The following CAPRIN2 variants were observed in gnomAD, a reference collection of about 807,000 sequenced individuals.
CAPRIN2 encodes caprin family member 2, also known as caprin-2.
In CAPRIN2, 66 loss-of-function variants were observed where a neutral mutation model predicts 130.4. That is an observed-to-expected ratio of 0.51 (90% CI 0.42 to 0.62). The LOEUF is 0.62. Among genes scored for constraint, CAPRIN2 ranks in the 20% least tolerant of loss-of-function variants. The pLI, the probability that CAPRIN2 is intolerant of heterozygous loss-of-function variation, is 0.00. For synonymous variants in CAPRIN2, 471 were observed against 444.1 expected (o/e 1.06, Z -0.76); for missense variants, 1,185 against 1,246.6 (o/e 0.95, Z 0.74).
chr12:30,730,181 T>C (rs2062166990), intron 7 of CAPRIN2, 58 bp downstream of exon 8: 6 of 1,386,822 alleles, frequency 4.3e-6, no homozygotes, highest in Admixed American at 3.4e-5. Flanking sequence ...CTTCCAACCA[T>C]AACCCTATGC....
At chr12:30,751,158 C>T (rs1485549487) in intron 1 of CAPRIN2, 25 bp from the exon 3 acceptor site, 1 of 1,589,080 alleles carries the variant, frequency 6.3e-7, no homozygotes, top group East Asian at 2.2e-5. Flanking sequence ...CTTGTATCTA[C>T]CATAGTCTGA....
At position 30,729,139 on chromosome 12, in the gene CAPRIN2, C is replaced by A. The variant is rs1306709846; in HGVS notation, c.1291G>T (p.Glu431Ter). ...AAGGAAACTGCAGGCTTGGATACCT[C>A]CTGGTGCTTACCAGAAGCCTCCCAG... Residue 431 changes from glutamate (E) to a stop codon, truncating the protein, a stop_gained, in exon 8 of 17, where the codon GAG becomes TAG. Transcript: ENST00000298892. LOFTEE classifies it high-confidence loss of function. The A allele has an allele frequency of 6.2e-7, 1 of 1,613,868 alleles. No individual in the cohort carries two copies. Among genetic ancestry groups the A allele is most frequent in the African/African-American group, 1.3e-5 (1 of 74,886 alleles).
intron 13 of CAPRIN2, 196 bp downstream of exon 15, chr12:30,716,312 A>C (rs368752152): frequency 7.8e-6 from 4 of 510,212 alleles, no homozygotes; most frequent in African/African-American, 4.0e-5. Flanking sequence ...TATCTCTACA[A>C]AAATTAAAAT....
At chr12:30,737,987 C>A (rs962136328) in intron 3 of CAPRIN2, among the ~76,000 whole-genome samples, 5 of 151,530 alleles carry the variant, frequency 3.3e-5, no homozygotes, top group South Asian at 2.1e-4. Flanking sequence ...GTAACAAGGT[C>A]GAAAAGAAGG....
chr12:30,724,070 G>T (rs1285343076), intron 10 of CAPRIN2, among the ~76,000 whole-genome samples: 3 of 152,200 alleles, frequency 2.0e-5, no homozygotes, highest in Admixed American at 2.0e-4. Context: ...GTCCAAAGGA[G>T]TCAAGCAACT....
intron 3 of CAPRIN2, among the ~76,000 whole-genome samples, chr12:30,736,853 G>C (rs1049939681): frequency 1.3e-5 from 2 of 152,156 alleles, no homozygotes; most frequent in Non-Finnish European, 1.5e-5. Context: ...AGTTTCTCAT[G>C]GTATAGGGAA....
intron 4 of CAPRIN2, among the ~76,000 whole-genome samples, chr12:30,734,233 A>G (rs2063692274): frequency 6.6e-6 from 1 of 152,226 alleles, no homozygotes; most frequent in South Asian, 2.1e-4. Flanking sequence ...TATATAGGCA[A>G]TTAAGAGTTC....
In CAPRIN2 at chr12:30,710,127, C is replaced by T; in HGVS notation, c.3009G>A (p.Lys1003=). 1.2e-6 allele frequency: 2 copies of T among 1,614,114 alleles called. No homozygotes were observed. The highest frequency in any genetic ancestry group is 2.2e-5 in the South Asian group (2 of 91,082). The change falls in exon 17 of 17, where the codon AAG becomes AAA. Residue 1003 remains lysine, a synonymous_variant. Coordinates refer to ENST00000298892, the Ensembl canonical transcript of CAPRIN2. This position sits in a 1 kb window ranked among gnomAD's most constrained non-coding sequence, Gnocchi z 4.8. ...CATACAGTGGCACATTCACTGCCAG[C>T]TTTAGCATGTGAAAAATGAAAACGT...
rs754373140 is a variant in CAPRIN2 at position 30,712,733 on chromosome 12, CTTTTT to C, written c.2601+1047_2601+1051del. Among the ~76,000 whole-genome samples the C allele has an allele frequency of 2.8e-5, 3 of 107,292 alleles. No individual in the cohort carries two copies. In the South Asian group the frequency reaches 1.0e-3, roughly 36 times the overall value. 70.4% of individuals were successfully genotyped at this position (107,292 alleles called of 152,430 possible). A position where few individuals can be genotyped will look rare whatever the true frequency, so the allele number is the denominator to read the frequency against. On this transcript the variant is annotated intron_variant, in intron 15 of 16. Transcript: ENST00000298892. ...TTTAGATTCCAAGATGTTTTCCACTCTTTTTTTTTTTTTTTTTTTTTTTTTGAGAC... is the reference window on the plus strand; with the variant it reads ...TTTAGATTCCAAGATGTTTTCCACTCTTTTTTTTTTTTTTTTTTTTGAGAC...
At position 30,710,001 on chromosome 12, in the gene CAPRIN2, G is replaced by A. The variant is rs1324302170; in HGVS notation, c.3135C>T (p.Phe1045=). The stretch of plus-strand genomic sequence containing the variant: ...GACGTAACCATATCTGGTCTCCCTG[G>A]AAGAGCTGAAGAATTGCATGATTGC... The change falls in exon 17 of 17, where the codon TTC becomes TTT. Residue 1045 remains phenylalanine, a synonymous_variant. Transcript: ENST00000298892. The surrounding 1 kb of genome is among the most constrained non-coding windows in gnomAD (Gnocchi z 4.8). 1.7e-5 allele frequency: 28 copies of A among 1,613,964 alleles called. No individual in the cohort carries two copies. Among genetic ancestry groups the A allele is most frequent in the Non-Finnish European group, 2.4e-5 (28 of 1,180,012 alleles).
intron 2 of CAPRIN2, among the ~76,000 whole-genome samples, chr12:30,747,443 C>G (rs551341394): frequency 6.6e-6 from 1 of 152,032 alleles, no homozygotes; most frequent in Non-Finnish European, 1.5e-5. Flanking sequence ...TTTGGGAGGC[C>G]GAGGCGGGCA....
chr12:30,738,648 A>G (rs1276232314), intron 3 of CAPRIN2, among the ~76,000 whole-genome samples: 1 of 152,232 alleles, frequency 6.6e-6, no homozygotes, highest in Non-Finnish European at 1.5e-5. Flanking sequence ...AAACTTTTGC[A>G]AACTATGCAT....
intron 3 of CAPRIN2, 38 bp from the exon 5 acceptor site, chr12:30,735,244 C>T (rs758247931): frequency 1.5e-5 from 22 of 1,475,534 alleles, no homozygotes; most frequent in Non-Finnish European, 2.0e-5. Context: ...TAACAATTCT[C>T]TACCATCCCA....
At chr12:30,733,808 C>T (rs2063535918) in intron 4 of CAPRIN2, 97 bp from the exon 6 acceptor site, 1 of 787,748 alleles carries the variant, frequency 1.3e-6, no homozygotes, top group Non-Finnish European at 2.2e-6. Context: ...ACAGACAAGA[C>T]ATTCAAATGT....
intron 1 of CAPRIN2, chr12:30,751,754 T>C (rs1006625417): frequency 2.6e-5 from 4 of 151,202 alleles, no homozygotes; most frequent in African/African-American, 7.3e-5. Flanking sequence ...AAACTCCTAT[T>C]GGAAGTACAG....
chr12:30,751,291 G>A (rs2073731640), intron 1 of CAPRIN2, 158 bp from the exon 3 acceptor site: 1 of 630,552 alleles, frequency 1.6e-6, no homozygotes, highest in Non-Finnish European at 2.9e-6. Context: ...AACTGTAGAT[G>A]AGTTCCAGTC....
At chr12:30,721,845 GA>G (rs1273838977) in intron 11 of CAPRIN2, among the ~76,000 whole-genome samples, 1 of 152,072 alleles carries the variant, frequency 6.6e-6, no homozygotes, top group Non-Finnish European at 1.5e-5. Flanking sequence ...AGATCTTATG[GA>G]AAAAAATATT....
intron 15 of CAPRIN2, among the ~76,000 whole-genome samples, chr12:30,713,220 G>A (rs570188571): frequency 1.1e-4 from 17 of 152,164 alleles, no homozygotes; most frequent in South Asian, 2.1e-4. Context: ...ATTCAAATCC[G>A]TAAGTTCCCA....
upstream of CAPRIN2, chr12:30,754,914 G>T (rs1033724535): frequency 6.6e-6 from 1 of 152,314 alleles, no homozygotes; most frequent in African/African-American, 2.4e-5. Flanking sequence ...GGCCTCTGCG[G>T]CGCCAGAGAC....
Sources: allele counts gnomAD v4.1 joint callset (sites outside exome capture counted in the v4.1 genomes callset), GRCh38; gene constraint gnomAD v4.1.1; non-coding constraint Gnocchi (gnomAD v3.1); transcripts MANE v1.5; gene names NCBI Gene and HGNC (gene_info 2026-07-23, HGNC 2026-07-21).